The following CAMTA1 variants were observed in gnomAD, a reference collection of about 807,000 sequenced individuals.
CAMTA1 encodes the protein calmodulin binding transcription activator 1, also known as calmodulin-binding transcription activator 1.
Under a neutral mutation model 170.9 loss-of-function variants are expected in CAMTA1, and 27 were observed. The observed-to-expected ratio is 0.16, with a 90% CI of 0.12 to 0.22. The LOEUF (loss-of-function observed/expected upper bound fraction) is 0.22. Ranked by LOEUF, CAMTA1 falls within the 10% of genes least tolerant of loss-of-function variation. The pLI is 1.00. For synonymous variants in CAMTA1, 833 were observed against 891.5 expected (o/e 0.93, Z 1.17); for missense variants, 1,619 against 2,217.2 (o/e 0.73, Z 5.42).
chr1:6,964,276 G>A (rs527483616), intron 3 of CAMTA1, among the ~76,000 whole-genome samples: 9 of 151,514 alleles, frequency 5.9e-5, no homozygotes, highest in African/African-American at 1.7e-4. Flanking sequence ...ATAGGGGTGC[G>A]GAGTCCTGGG....
intron 6 of CAMTA1, among the ~76,000 whole-genome samples, chr1:7,548,297 C>A (rs941578402): frequency 6.6e-6 from 1 of 152,190 alleles, no homozygotes; most frequent in African/African-American, 2.4e-5. Context: ...ACTCCTTGCC[C>A]TCTTCTGTAG....
At chr1:6,789,944 G>A (rs1640573582) in intron 1 of CAMTA1, among the ~76,000 whole-genome samples, 1 of 151,354 alleles carries the variant, frequency 6.6e-6, no homozygotes, top group African/African-American at 2.4e-5. Flanking sequence ...CAAGTAGCTG[G>A]GATTACAGGC....
intron 6 of CAMTA1, among the ~76,000 whole-genome samples, chr1:7,474,082 G>A (rs923090152): frequency 5.6e-4 from 85 of 152,366 alleles, no homozygotes; most frequent in African/African-American, 1.9e-3. Flanking sequence ...CCCTCTGTGT[G>A]GGGTGGGGTT....
chr1:6,888,847 A>T (rs762664989), intron 3 of CAMTA1, among the ~76,000 whole-genome samples: 1 of 152,042 alleles, frequency 6.6e-6, no homozygotes, highest in Non-Finnish European at 1.5e-5. Context: ...TAAGCAAAGA[A>T]CAGAAACAAA....
chr1:6,999,236 T>C (rs1248331582), intron 3 of CAMTA1, among the ~76,000 whole-genome samples: 1 of 152,226 alleles, frequency 6.6e-6, no homozygotes, highest in Non-Finnish European at 1.5e-5. Flanking sequence ...ATAGGGTTTG[T>C]CTTTGTGTTA....
intron 16 of CAMTA1, among the ~76,000 whole-genome samples, chr1:7,740,820 C>A (rs2096806444): frequency 6.6e-6 from 1 of 152,182 alleles, no homozygotes; most frequent in South Asian, 2.1e-4. Flanking sequence ...TAGAAAATAA[C>A]CTTTAAAAAA....
rs767041364 is a variant in CAMTA1, at chr1:7,410,894, CGTCTGT to C, written c.439-56933_439-56928del. 2.0e-3 allele frequency among the ~76,000 whole-genome samples: 187 copies of C among 91,936 alleles called. 2 individuals are homozygous for C. The highest frequency in any genetic ancestry group is 2.2e-3 in the South Asian group (8 of 3,650). 60.3% of individuals were successfully genotyped at this position (91,936 alleles called of 152,430 possible). ...GTTCCCAACGTGCATGGAGGGTGGG[CGTCTGT>C]GTGTGTGTGTGTGTGTGTGTGTGTA... On this transcript the variant is annotated intron_variant, in intron 5 of 22. Coordinates refer to ENST00000303635, the MANE Select transcript of CAMTA1 (RefSeq NM_015215.4).
Position 7,463,568 on chromosome 1 carries a change from TA to T in CAMTA1, c.439-4261del, listed in dbSNP as rs2093142475. ...AGAGAGAGAAAGAAGATGAGACAGA[TA>T]CAGAGATAGAGAAAGATAGAGACGG... On this transcript the variant is annotated intron_variant, in intron 5 of 22. Coordinates refer to ENST00000303635, the MANE Select transcript of CAMTA1 (RefSeq NM_015215.4). The surrounding 1 kb of genome is among the most constrained non-coding windows in gnomAD (Gnocchi z 4.7). Among the ~76,000 whole-genome samples the T allele has an allele frequency of 6.7e-6, 1 of 150,228 alleles. No homozygotes were observed. The highest frequency in any genetic ancestry group is 1.5e-5 in the Non-Finnish European group (1 of 67,594).
Position 7,534,385 on chromosome 1 carries a change from G to A in CAMTA1, c.510+66484G>A, listed in dbSNP as rs181771733. Among the ~76,000 whole-genome samples, 36 of 152,284 alleles carry A rather than the reference G, an allele frequency of 2.4e-4. No individual in the cohort carries two copies. The South Asian group carries it at 3.7e-3, about 16-fold the overall frequency. ...TCTTCCTGACACCCCGGGGCCACAC[G>A]GGGAGAGCTTGCTGCAGACCCGGGG... On this transcript the variant is annotated intron_variant, in intron 6 of 22. Transcript: ENST00000303635. The surrounding 1 kb of genome is among the most constrained non-coding windows in gnomAD (Gnocchi z 5.6).
At chr1:7,566,672 C>T (rs1371049343) in intron 6 of CAMTA1, among the ~76,000 whole-genome samples, 1 of 152,316 alleles carries the variant, frequency 6.6e-6, no homozygotes, top group East Asian at 1.9e-4. Flanking sequence ...CCACAGGCAC[C>T]CAGAGGCCTG....
chr1:7,162,688 C>T (rs77775223), intron 4 of CAMTA1, among the ~76,000 whole-genome samples: 1,671 of 152,154 alleles, frequency 0.011, 16 homozygotes, highest in Non-Finnish European at 0.015. Flanking sequence ...CTGGAGGGAC[C>T]GTATTTCATT....
intron 6 of CAMTA1, among the ~76,000 whole-genome samples, chr1:7,600,136 A>C (rs1452554725): frequency 1.3e-5 from 2 of 151,982 alleles, no homozygotes; most frequent in African/African-American, 4.9e-5. Flanking sequence ...ATTTATTGAG[A>C]GTTTTCAGCA....
intron 5 of CAMTA1, among the ~76,000 whole-genome samples, chr1:7,382,268 G>C (rs187345495): frequency 6.6e-6 from 1 of 152,336 alleles, no homozygotes; most frequent in Admixed American, 6.5e-5. Flanking sequence ...GAAACAGATA[G>C]CTATCTCTGC....
At chr1:7,603,896 A>G (rs1188915301) in intron 6 of CAMTA1, among the ~76,000 whole-genome samples, 2 of 152,142 alleles carry the variant, frequency 1.3e-5, no homozygotes, top group East Asian at 3.9e-4. Context: ...AAAATCTCTC[A>G]GCGTTTGCTT....
chr1:7,160,459 A>G (rs1573550150), intron 4 of CAMTA1, among the ~76,000 whole-genome samples: 1 of 149,084 alleles, frequency 6.7e-6, no homozygotes, highest in Admixed American at 6.7e-5. Flanking sequence ...TTGATTGGAC[A>G]CTCTGAGCCC....
At chr1:6,872,523 G>C (rs1668695341) in intron 3 of CAMTA1, among the ~76,000 whole-genome samples, 1 of 152,042 alleles carries the variant, frequency 6.6e-6, no homozygotes, top group Admixed American at 6.5e-5. Flanking sequence ...TTAAGAACAA[G>C]CAATTTAACA....
At chr1:7,716,473 C>T (rs2096610621) in intron 11 of CAMTA1, among the ~76,000 whole-genome samples, 1 of 152,120 alleles carries the variant, frequency 6.6e-6, no homozygotes, top group African/African-American at 2.4e-5. Context: ...TTGGGAAGGA[C>T]TTATTTACCT....
intron 6 of CAMTA1, among the ~76,000 whole-genome samples, chr1:7,472,932 G>A (rs747524010): frequency 1.3e-5 from 2 of 152,178 alleles, no homozygotes; most frequent in Non-Finnish European, 2.9e-5. Context: ...CCATGTCCAG[G>A]AGCGAAGTTG....
intron 4 of CAMTA1, among the ~76,000 whole-genome samples, chr1:7,126,045 A>G (rs186504139): frequency 6.6e-5 from 10 of 152,280 alleles, no homozygotes; most frequent in Admixed American, 3.3e-4. Flanking sequence ...GAATGAGGTA[A>G]GAGAGAGAAT....
Sources: allele counts gnomAD v4.1 joint callset (sites outside exome capture counted in the v4.1 genomes callset), GRCh38; gene constraint gnomAD v4.1.1; non-coding constraint Gnocchi (gnomAD v3.1); transcripts MANE v1.5; gene names NCBI Gene and HGNC (gene_info 2026-07-23, HGNC 2026-07-21).